The following SCGB1D4 variants were observed in gnomAD, a reference collection of about 807,000 sequenced individuals.
SCGB1D4 encodes secretoglobin family 1D member 4, also known as IFN-gamma inducible SCGB (IIS).
In SCGB1D4, 6 loss-of-function variants were observed where a neutral mutation model predicts 8.1. That is an observed-to-expected ratio of 0.74 (90% CI 0.40 to 1.45). SCGB1D4 has a LOEUF of 1.45. SCGB1D4 is among the 40% of genes most tolerant of loss of function. The pLI, the probability that SCGB1D4 is intolerant of heterozygous loss-of-function variation, is 0.02. For missense variants in SCGB1D4, 93 were observed against 95.0 expected (o/e 0.98, Z 0.09); for synonymous variants, 34 against 38.1 (o/e 0.89, Z 0.39).
intron 1 of SCGB1D4, 58 bp from the exon 2 acceptor site, chr11:62,297,716 G>T (rs1590682492): frequency 7.1e-7 from 1 of 1,416,996 alleles, no homozygotes; most frequent in Non-Finnish European, 9.9e-7. Flanking sequence ...TTCTCTCATG[G>T]CTCCCTGAGG....
chr11:62,298,823 C>A, intron 1 of SCGB1D4, 133 bp downstream of exon 1: 9 of 512,704 alleles, frequency 1.8e-5, no homozygotes, highest in South Asian at 4.0e-5. Flanking sequence ...TCTTATTCAA[C>A]AAGCACAGAA....
chr11:62,298,083 T>C (rs946099876), intron 1 of SCGB1D4, among the ~76,000 whole-genome samples: 2 of 148,008 alleles, frequency 1.4e-5, no homozygotes, highest in Admixed American at 1.4e-4. Context: ...AGATGGGGTT[T>C]CGCCATGTTG....
In SCGB1D4 at chr11:62,296,432, A is replaced by AAAAG. The variant is rs377568630; in HGVS notation, c.243-17_243-14dup. ...TCACTATTTCCACCTGAAATCAAAA[A>AAAAG]AAAGAAAGAAAGAAAGAAAGGTGAG... On this transcript the variant is annotated splice_polypyrimidine_tract_variant and intron_variant, in intron 2 of 2. Transcript: ENST00000358585. The AAAAG allele has an allele frequency of 9.9e-6, 16 of 1,608,398 alleles. No individual in the cohort carries two copies. Among genetic ancestry groups the AAAAG allele is most frequent in the African/African-American group, 2.7e-5 (2 of 74,830 alleles).
rs748677839 is a variant in SCGB1D4 at position 62,296,401 on chromosome 11, A to AT, written c.*8dup. The AT allele has an allele frequency of 1.9e-6, 3 of 1,611,976 alleles. No individual in the cohort carries two copies. Among genetic ancestry groups the AT allele is most frequent in the Non-Finnish European group, 8.5e-7 (1 of 1,178,718 alleles). ...AGCATTTTTACATGTCACACACCAC[A>AT]TTTTTTCACTATTTCCACCTGAAAT... On this transcript the variant is annotated 3_prime_UTR_variant, in exon 3 of 3. Coordinates refer to ENST00000358585, the MANE Select transcript of SCGB1D4 (RefSeq NM_206998.2).
At position 62,296,404 on chromosome 11, in the gene SCGB1D4, T is replaced by A; in HGVS notation, c.*6A>T. 3.7e-6 allele frequency: 6 copies of A among 1,612,084 alleles called. No individual in the cohort carries two copies. Among genetic ancestry groups the A allele is most frequent in the Non-Finnish European group, 5.1e-6 (6 of 1,179,080 alleles). On this transcript the variant is annotated 3_prime_UTR_variant, in exon 3 of 3. Coordinates refer to ENST00000358585, the MANE Select transcript of SCGB1D4 (RefSeq NM_206998.2). The stretch of plus-strand genomic sequence containing the variant: ...ATTTTTACATGTCACACACCACATT[T>A]TTTCACTATTTCCACCTGAAATCAA...
chr11:62,299,056 GGATTC>G lies in SCGB1D4; in HGVS notation c.-51_-47del, dbSNP rs1482464194. ...GCTCAGCTTTCACAATGAGTGATTTGGATTCGACTCCAGGAGCCTGTGTAGTCATG... is the reference window on the plus strand; with the variant it reads ...GCTCAGCTTTCACAATGAGTGATTTGGACTCCAGGAGCCTGTGTAGTCATG... On this transcript the variant is annotated 5_prime_UTR_variant, in exon 1 of 3. Transcript: ENST00000358585. 1.9e-6 allele frequency: 3 copies of G among 1,598,426 alleles called. No homozygotes were observed. In the Admixed American group the frequency reaches 5.1e-5, roughly 27 times the overall value.
At chr11:62,298,852 T>C (rs1945465944) in intron 1 of SCGB1D4, 104 bp downstream of exon 1, 1 of 1,028,268 alleles carries the variant, frequency 9.7e-7, no homozygotes, top group Non-Finnish European at 1.4e-6. Context: ...GGAATTTTGT[T>C]TGGTTTTGTG....
At chr11:62,296,537 G>A in intron 2 of SCGB1D4, 118 bp from the exon 3 acceptor site, 1 of 1,002,090 alleles carries the variant, frequency 1.0e-6, no homozygotes, top group South Asian at 1.5e-5. Flanking sequence ...AATTGGAAAG[G>A]CAGAGGCAAG....
At position 62,298,010 on chromosome 11, in the gene SCGB1D4, TTGTGTGTG is replaced by T. The variant is rs71458409; in HGVS notation, c.56-360_56-353del. 4.9e-3 allele frequency among the ~76,000 whole-genome samples: 567 copies of T among 116,214 alleles called. 7 individuals are homozygous for T. The highest frequency in any genetic ancestry group is 0.017 in the African/African-American group (525 of 30,110). 76.2% of individuals were successfully genotyped at this position (116,214 alleles called of 152,430 possible). ...CCAGTGCCTGCCACCATGCCCGCTT[TTGTGTGTG>T]TGTGTGTGTGTGTGTGTGTGTGTGT... On this transcript the variant is annotated intron_variant, in intron 1 of 2. Transcript: ENST00000358585.
intron 1 of SCGB1D4, among the ~76,000 whole-genome samples, chr11:62,298,541 C>T (rs1029695272): frequency 6.6e-5 from 10 of 152,056 alleles, no homozygotes; most frequent in African/African-American, 1.9e-4. Context: ...GGCAGATCAT[C>T]TGAGGTCGGG....
In SCGB1D4 at chr11:62,297,672, A is replaced by G. The variant is rs932881201; in HGVS notation, c.56-14T>C. On this transcript the variant is annotated splice_polypyrimidine_tract_variant and intron_variant, in intron 1 of 2. Transcript: ENST00000358585. ...CAAGAGCATGGGCTGCAGCACAAAA[A>G]TAAAAATATTGTTGATGTTAGGAAA... The G allele has an allele frequency of 1.2e-6, 2 of 1,606,224 alleles. No individual in the cohort carries two copies. Among genetic ancestry groups the G allele is most frequent in the Admixed American group, 3.4e-5 (2 of 58,646 alleles).
Position 62,297,563 on chromosome 11 carries a change from G to A in SCGB1D4, c.151C>T (p.Pro51Ser). ...TTGGCTGCAAGAGCTTCTGGAGGTG[G>A]ATTAAGTTTGGCAACTTGGAGGTTT... ...AVNLQVAKLNPPPEALAAKLE... is the reference protein window; with the variant it reads ...AVNLQVAKLNSPPEALAAKLE... Residue 51 changes from proline to serine, a missense_variant, in exon 2 of 3, where the codon CCA (proline) becomes TCA (serine). Pro to Ser is a moderately conservative substitution (Grantham distance 74). Coordinates refer to ENST00000358585, the MANE Select transcript of SCGB1D4 (RefSeq NM_206998.2). 2 of 1,614,062 alleles carry A rather than the reference G, an allele frequency of 1.2e-6. No individual in the cohort carries two copies. The highest frequency in any genetic ancestry group is 1.7e-6 in the Non-Finnish European group (2 of 1,179,890).
In SCGB1D4 at chr11:62,296,400, C is replaced by T. The variant is rs765409384; in HGVS notation, c.*10G>A. 1.2e-6 allele frequency: 2 copies of T among 1,612,018 alleles called. No individual in the cohort carries two copies. Among genetic ancestry groups the T allele is most frequent in the South Asian group, 1.1e-5 (1 of 90,896 alleles). Reference sequence around the variant, plus strand: ...GAGCATTTTTACATGTCACACACCACATTTTTTCACTATTTCCACCTGAAA... The same window carrying T: ...GAGCATTTTTACATGTCACACACCATATTTTTTCACTATTTCCACCTGAAA... On this transcript the variant is annotated 3_prime_UTR_variant, in exon 3 of 3. Transcript: ENST00000358585.
In SCGB1D4 at chr11:62,298,211, T is replaced by A. The variant is rs1178981504; in HGVS notation, c.56-553A>T. 2.0e-5 allele frequency among the ~76,000 whole-genome samples: 3 copies of A among 151,962 alleles called. No individual in the cohort carries two copies. In the East Asian group the frequency reaches 5.8e-4, roughly 29 times the overall value. On this transcript the variant is annotated intron_variant, in intron 1 of 2. Coordinates refer to ENST00000358585, the MANE Select transcript of SCGB1D4 (RefSeq NM_206998.2). Reference sequence around the variant, plus strand: ...CCCACAGCTTGACTCTTGACAACCATAACCTTACTTCATTCTCATAGCCAC... The same window carrying A: ...CCCACAGCTTGACTCTTGACAACCAAAACCTTACTTCATTCTCATAGCCAC...
chr11:62,297,019 G>A (rs1945445860), intron 2 of SCGB1D4, among the ~76,000 whole-genome samples: 1 of 152,248 alleles, frequency 6.6e-6, no homozygotes, highest in Non-Finnish European at 1.5e-5. Context: ...TGGCGTTGCA[G>A]TAGGTAGAGC....
At chr11:62,298,917 C>G (rs1170236627) in intron 1 of SCGB1D4, 39 bp downstream of exon 1, 1 of 1,605,256 alleles carries the variant, frequency 6.2e-7, no homozygotes, top group South Asian at 1.1e-5. Context: ...GAGGGTGCAT[C>G]CCAGGGGCTG....
In SCGB1D4 at chr11:62,296,308, C is replaced by T. The variant is rs1945440489; in HGVS notation, c.*102G>A. 4.1e-5 allele frequency: 41 copies of T among 1,007,126 alleles called. 3 individuals are homozygous for T. The South Asian group carries it at 4.4e-4, about 11-fold the overall frequency. The allele number at this position is 1,007,126 out of a possible 1,614,324, so 62.4% of individuals were successfully genotyped here. ...CAGGGCAAGTGATTTATTAAAGCAA[C>T]GTGTTGAAACCTTTACAATTTTTAG... On this transcript the variant is annotated 3_prime_UTR_variant, in exon 3 of 3. Coordinates refer to ENST00000358585, the MANE Select transcript of SCGB1D4 (RefSeq NM_206998.2).
chr11:62,297,782 G>T, intron 1 of SCGB1D4, 124 bp from the exon 2 acceptor site: 1 of 716,040 alleles, frequency 1.4e-6, no homozygotes. Flanking sequence ...TTGTGCTGAT[G>T]ACAATACCAG....
chr11:62,298,957 C>G lies in SCGB1D4; in HGVS notation c.54G>C (p.Gln18His). The G allele has an allele frequency of 6.2e-7, 1 of 1,613,934 alleles. No homozygotes were observed. Among genetic ancestry groups the G allele is most frequent in the East Asian group, 2.2e-5 (1 of 44,882 alleles). The change falls in exon 1 of 3, where the codon CAG (glutamine) becomes CAC (histidine). Residue 18 changes from glutamine (Q) to histidine (H), a missense_variant and splice_region_variant. By Grantham distance (24) the Gln-to-His change is conservative. Coordinates refer to ENST00000358585, the MANE Select transcript of SCGB1D4 (RefSeq NM_206998.2). ...LMVSLALCCY[Q>H]AHALVCPAVA... ...TGGACTCATGACTGATGTACTCACC[C>G]TGGTAGCAGCAAAGGGCCAGCGAGA... is the stretch of plus-strand genomic sequence containing the variant.
Sources: allele counts gnomAD v4.1 joint callset (sites outside exome capture counted in the v4.1 genomes callset), GRCh38; gene constraint gnomAD v4.1.1; transcripts MANE v1.5; gene names NCBI Gene and HGNC (gene_info 2026-07-23, HGNC 2026-07-21).